Variants in AGAP1 observed in about 807,000 individuals in gnomAD.
The protein encoded by AGAP1 is arf-GAP with GTPase, ANK repeat and PH domain-containing protein 1.
AGAP1 carries 29 observed loss-of-function variants against 105.3 expected under a neutral mutation model. The ratio of observed to expected loss-of-function variants is 0.28; its 90% CI spans 0.21 to 0.38. The LOEUF (loss-of-function observed/expected upper bound fraction) is 0.38. Among genes scored for constraint, AGAP1 ranks in the 10% least tolerant of loss-of-function variants. The probability of loss-of-function intolerance (pLI) is 1.00; values close to 1 mark genes in which losing one functional copy is unlikely to be tolerated. For synonymous variants in AGAP1, 509 were observed against 485.9 expected, an observed-to-expected ratio of 1.05 and a Z score of -0.63; for missense variants, 998 against 1,165.1, an observed-to-expected ratio of 0.86 and a Z score of 2.09.
intron 10 of AGAP1, among the ~76,000 whole-genome samples, chr2:235,898,776 G>A (rs1292030415): frequency 1.3e-5 from 2 of 152,180 alleles, no homozygotes; most frequent in African/African-American, 4.8e-5. Flanking sequence ...GGGACCCTGA[G>A]TGACTGAATG....
intron 11 of AGAP1, among the ~76,000 whole-genome samples, chr2:235,909,142 C>A (rs2051452935): frequency 6.6e-6 from 1 of 152,180 alleles, no homozygotes; most frequent in African/African-American, 2.4e-5. Flanking sequence ...GCATCTAGGC[C>A]TTTCCAGGGC....
intron 1 of AGAP1, among the ~76,000 whole-genome samples, chr2:235,686,632 TATATATATATATAGATATATATATATA>T (rs1949426322): frequency 2.0e-5 from 1 of 50,752 alleles, no homozygotes; most frequent in Admixed American, 2.3e-4. Context: ...TATATATATA[TATATATATATATAGATATATATATATA>T]TATATATTTT....
chr2:235,696,977 C>T (rs1253809763), intron 1 of AGAP1, among the ~76,000 whole-genome samples: 1 of 150,080 alleles, frequency 6.7e-6, no homozygotes, highest in Non-Finnish European at 1.5e-5. Flanking sequence ...AGCCTGGAGA[C>T]TCGATCTCAA....
intron 13 of AGAP1, among the ~76,000 whole-genome samples, chr2:236,024,125 G>T (rs1354845585): frequency 7.0e-6 from 1 of 143,098 alleles, no homozygotes; most frequent in African/African-American, 2.7e-5. Flanking sequence ...CCGCCTCCCG[G>T]GTTCAAGCAG....
Position 236,014,391 on chromosome 2 carries a change from C to T in AGAP1, c.1646-22170C>T, listed in dbSNP as rs559569713. On this transcript the variant is annotated intron_variant, in intron 13 of 17. Transcript: ENST00000304032. This position sits in a 1 kb window ranked among gnomAD's most constrained non-coding sequence, Gnocchi z 6.3. ...TCATAACCAGGGTCTCTTGATTTGACATGCTCCTAATATTTGGCCGAATCA... is the reference window on the plus strand; with the variant it reads ...TCATAACCAGGGTCTCTTGATTTGATATGCTCCTAATATTTGGCCGAATCA... Among the ~76,000 whole-genome samples the T allele has an allele frequency of 1.2e-4, 19 of 152,332 alleles. No homozygotes were observed. The highest frequency in any genetic ancestry group is 4.3e-4 in the African/African-American group (18 of 41,588).
At position 236,090,075 on chromosome 2, in the gene AGAP1, A is replaced by G. The variant is rs2059020103; in HGVS notation, c.2115-30117A>G. Among the ~76,000 whole-genome samples, 1 of 152,200 alleles carries G rather than the reference A, an allele frequency of 6.6e-6. No individual in the cohort carries two copies. Among genetic ancestry groups the G allele is most frequent in the Non-Finnish European group, 1.5e-5 (1 of 68,052 alleles). ...GAGTTGCAGGGAGGAGCACGTGTTT[A>G]CCAGGAAACCCACTGCTCTCCTCAC... On this transcript the variant is annotated intron_variant, in intron 16 of 17. Coordinates refer to ENST00000304032, the MANE Select transcript of AGAP1 (RefSeq NM_001037131.3). This position sits in a 1 kb window ranked among gnomAD's most constrained non-coding sequence, Gnocchi z 4.3.
In AGAP1 at chr2:236,016,434, T is replaced by C. The variant is rs373883721; in HGVS notation, c.1646-20127T>C. Among the ~76,000 whole-genome samples, 56 of 151,972 alleles carry C rather than the reference T, an allele frequency of 3.7e-4. No individual in the cohort carries two copies. In the South Asian group the frequency reaches 0.011, roughly 30 times the overall value. ...GTGGGTTTGTCGCAACAAATTTGTT[T>C]ATTGACTTCCAGCCTTTAAAAAAAA... On this transcript the variant is annotated intron_variant, in intron 13 of 17. Transcript: ENST00000304032.
chr2:235,604,572 C>CTTTTTTTTTTTTTTTTTTTTTTTT lies in AGAP1; in HGVS notation c.164-104602_164-104579dup, dbSNP rs1166523228. Among the ~76,000 whole-genome samples, 5 of 69,670 alleles carry CTTTTTTTTTTTTTTTTTTTTTTTT rather than the reference C, an allele frequency of 7.2e-5. 1 individual carries two copies. Among genetic ancestry groups the CTTTTTTTTTTTTTTTTTTTTTTTT allele is most frequent in the Non-Finnish European group, 9.9e-5 (4 of 40,346 alleles). The allele number at this position is 69,670 out of a possible 152,430, so 45.7% of individuals were successfully genotyped here. ...CGTGTTTCTTTTTTATTTTTATTATCTTTTTTTTTTTTTTTTTTTTTTTTT... is the reference window on the plus strand; with the variant it reads ...CGTGTTTCTTTTTTATTTTTATTATCTTTTTTTTTTTTTTTTTTTTTTTTTTTTTTTTTTTTTTTTTTTTTTTTT... On this transcript the variant is annotated intron_variant, in intron 1 of 17. Coordinates refer to ENST00000304032, the MANE Select transcript of AGAP1 (RefSeq NM_001037131.3).
intron 1 of AGAP1, among the ~76,000 whole-genome samples, chr2:235,502,180 C>T (rs1559205204): frequency 6.6e-6 from 1 of 152,086 alleles, no homozygotes; most frequent in Non-Finnish European, 1.5e-5. Flanking sequence ...GTCCCTCTAT[C>T]TTCCAGGGCT....
In AGAP1 at chr2:236,089,133, G is replaced by A. The variant is rs1025879470; in HGVS notation, c.2115-31059G>A. ...AAAAGGAAAGGGTCCAAGTCAGACCGCTCACGTGGGTGGCAGCGTCCAAGT... is the reference window on the plus strand; with the variant it reads ...AAAAGGAAAGGGTCCAAGTCAGACCACTCACGTGGGTGGCAGCGTCCAAGT... On this transcript the variant is annotated intron_variant, in intron 16 of 17. Transcript: ENST00000304032. This position sits in a 1 kb window ranked among gnomAD's most constrained non-coding sequence, Gnocchi z 5.6. 1.3e-5 allele frequency among the ~76,000 whole-genome samples: 2 copies of A among 152,222 alleles called. No individual in the cohort carries two copies. Among genetic ancestry groups the A allele is most frequent in the South Asian group, 2.1e-4 (1 of 4,832 alleles).
intron 2 of AGAP1, among the ~76,000 whole-genome samples, chr2:235,713,726 C>T (rs1210273355): frequency 6.6e-6 from 1 of 152,216 alleles, no homozygotes; most frequent in African/African-American, 2.4e-5. Context: ...CTTCTGGCTC[C>T]TGTAACAAAA....
intron 1 of AGAP1, among the ~76,000 whole-genome samples, chr2:235,521,744 G>GTA (rs753985692): frequency 0.1 from 12,930 of 126,200 alleles, 957 homozygotes; most frequent in African/African-American, 0.24. Flanking sequence ...TTATATATAT[G>GTA]TGTGTGTGTG....
At chr2:235,873,603 G>T (rs1312258625) in intron 9 of AGAP1, among the ~76,000 whole-genome samples, 2 of 152,298 alleles carry the variant, frequency 1.3e-5, no homozygotes, top group African/African-American at 4.8e-5. Context: ...GCTTTCCCAG[G>T]ATTGGGGCCC....
rs1354354337 is a variant in AGAP1 at position 236,014,837 on chromosome 2, G to A, written c.1646-21724G>A. 4 of 458,090 alleles carry A rather than the reference G, an allele frequency of 8.7e-6. No individual in the cohort carries two copies. Among genetic ancestry groups the A allele is most frequent in the Non-Finnish European group, 1.8e-5 (4 of 222,324 alleles). The allele number at this position is 458,090 out of a possible 1,614,324, so 28.4% of individuals were successfully genotyped here. A position where few individuals can be genotyped will look rare whatever the true frequency, so the allele number is the denominator to read the frequency against. ...CAAAGCATGGAAACTAAACCGTGTT[G>A]GTAGCCTGCGAAATATATACAGCAG... is the stretch of plus-strand genomic sequence containing the variant. On this transcript the variant is annotated intron_variant, in intron 13 of 17. Transcript: ENST00000304032. This position sits in a 1 kb window ranked among gnomAD's most constrained non-coding sequence, Gnocchi z 6.3.
At chr2:235,681,329 C>T (rs745661064) in intron 1 of AGAP1, among the ~76,000 whole-genome samples, 1 of 152,122 alleles carries the variant, frequency 6.6e-6, no homozygotes, top group East Asian at 1.9e-4. Context: ...TTTTGACACA[C>T]TCTATGACCC....
At chr2:236,115,442 G>A (rs1053542749) in intron 16 of AGAP1, among the ~76,000 whole-genome samples, 2 of 152,222 alleles carry the variant, frequency 1.3e-5, no homozygotes, top group Non-Finnish European at 2.9e-5. Flanking sequence ...GCTTAAGAGT[G>A]CAGCCTGTGA....
intron 13 of AGAP1, among the ~76,000 whole-genome samples, chr2:236,022,498 A>G (rs1345232411): frequency 6.6e-6 from 1 of 152,198 alleles, no homozygotes; most frequent in Non-Finnish European, 1.5e-5. Flanking sequence ...TTGGTTCTGT[A>G]CAACCCTGGT....
rs902617983 is a variant in AGAP1, at chr2:236,045,986, C to T, written c.1892-3073C>T. 3.4e-5 allele frequency: 16 copies of T among 471,684 alleles called. No homozygotes were observed. Among genetic ancestry groups the T allele is most frequent in the Admixed American group, 1.9e-4 (8 of 42,592 alleles). 29.2% of individuals were successfully genotyped at this position (471,684 alleles called of 1,614,324 possible). On this transcript the variant is annotated intron_variant, in intron 15 of 17. Transcript: ENST00000304032. The surrounding 1 kb of genome is among the most constrained non-coding windows in gnomAD (Gnocchi z 6.9). ...AGGAATGTGTCCCACGCATGAATGT[C>T]GTCCTTCAGATCTGGACCTGACAGC...
chr2:235,838,129 C>T (rs142748875), intron 9 of AGAP1, among the ~76,000 whole-genome samples: 8,084 of 152,166 alleles, frequency 0.053, 687 homozygotes, highest in African/African-American at 0.18. Context: ...GAGGTTGCAG[C>T]GAGCAGAGAT....
Sources: allele counts gnomAD v4.1 joint callset (sites outside exome capture counted in the v4.1 genomes callset), GRCh38; gene constraint gnomAD v4.1.1; non-coding constraint Gnocchi (gnomAD v3.1); transcripts MANE v1.5; gene names NCBI Gene and HGNC (gene_info 2026-07-23, HGNC 2026-07-21).